Variants in MARCHF4 observed in about 807,000 individuals in gnomAD.
MARCHF4 encodes membrane associated ring-CH-type finger 4.
Under a neutral mutation model 43.9 loss-of-function variants are expected in MARCHF4, and 14 were observed. That is an observed-to-expected ratio of 0.32 (90% CI 0.21 to 0.50). The LOEUF is 0.50. Among genes scored for constraint, MARCHF4 ranks in the 20% least tolerant of loss-of-function variants. The probability of loss-of-function intolerance (pLI) is 0.98; values close to 1 mark genes in which losing one functional copy is unlikely to be tolerated. For missense variants in MARCHF4, 468 were observed against 536.7 expected (o/e 0.87, Z 1.27); for synonymous variants, 226 against 213.3 (o/e 1.06, Z -0.52).
intron 1 of MARCHF4, among the ~76,000 whole-genome samples, chr2:216,323,362 T>C (rs1392901804): frequency 6.6e-6 from 1 of 152,108 alleles, no homozygotes; most frequent in Non-Finnish European, 1.5e-5. Flanking sequence ...AAAATGGAGA[T>C]AATAATAGTA....
intron 3 of MARCHF4, among the ~76,000 whole-genome samples, chr2:216,263,718 G>C (rs932292527): frequency 3.9e-5 from 6 of 152,158 alleles, no homozygotes; most frequent in African/African-American, 1.4e-4. Context: ...TGTGTGTGGG[G>C]GAAAGAACAG....
chr2:216,279,888 T>C (rs1330315846), intron 2 of MARCHF4, among the ~76,000 whole-genome samples: 2 of 152,244 alleles, frequency 1.3e-5, no homozygotes, highest in African/African-American at 2.4e-5. Flanking sequence ...CCCTCCTGCC[T>C]GGAAAGAGGG....
intron 1 of MARCHF4, among the ~76,000 whole-genome samples, chr2:216,299,930 G>C (rs981983549): frequency 6.6e-6 from 1 of 152,198 alleles, no homozygotes; most frequent in Non-Finnish European, 1.5e-5. Flanking sequence ...TAGCAGGAGA[G>C]GGCAAGCACT....
intron 1 of MARCHF4, among the ~76,000 whole-genome samples, chr2:216,328,414 C>T (rs917792990): frequency 2.0e-5 from 3 of 152,196 alleles, no homozygotes; most frequent in Non-Finnish European, 4.4e-5. Context: ...ATTCGCCCAA[C>T]AATCCTGAGG....
At chr2:216,340,021 G>T (rs1450319876) in intron 1 of MARCHF4, among the ~76,000 whole-genome samples, 2 of 152,046 alleles carry the variant, frequency 1.3e-5, no homozygotes. Context: ...CAAGTCCCTG[G>T]GTTGGAGAAG....
Position 216,275,947 on chromosome 2 carries a change from G to C in MARCHF4, c.865+1725C>G, listed in dbSNP as rs188951069. Among the ~76,000 whole-genome samples the C allele has an allele frequency of 1.7e-3, 264 of 152,284 alleles. 6 individuals are homozygous for C. The highest frequency in any genetic ancestry group is 0.017 in the Admixed American group (263 of 15,294). On this transcript the variant is annotated intron_variant, in intron 3 of 3. Coordinates refer to ENST00000273067, the MANE Select transcript of MARCHF4 (RefSeq NM_020814.3). ...CCGTTAGCCTGGGTCCCAGCATGAG[G>C]AGACACTCAGAGCAGGCCTGAACCC...
intron 1 of MARCHF4, among the ~76,000 whole-genome samples, chr2:216,354,943 C>CTT (rs1158663239): frequency 7.2e-6 from 1 of 139,314 alleles, no homozygotes; most frequent in Non-Finnish European, 1.5e-5. Context: ...TTCTTTCTTT[C>CTT]TTTCTTTCTT....
chr2:216,356,215 T>C (rs1464469954), intron 1 of MARCHF4, among the ~76,000 whole-genome samples: 1 of 152,226 alleles, frequency 6.6e-6, no homozygotes, highest in Admixed American at 6.5e-5. Flanking sequence ...TGATGATCCT[T>C]AACTCTGTTT....
chr2:216,333,584 C>T (rs1183994151), intron 1 of MARCHF4, among the ~76,000 whole-genome samples: 2 of 152,212 alleles, frequency 1.3e-5, no homozygotes, highest in South Asian at 2.1e-4. Flanking sequence ...ACGAAAATCA[C>T]ACATGCATGC....
chr2:216,337,761 T>C (rs1353216186), intron 1 of MARCHF4, among the ~76,000 whole-genome samples: 1 of 152,284 alleles, frequency 6.6e-6, no homozygotes, highest in Admixed American at 6.5e-5. Flanking sequence ...CTACTACTTC[T>C]AGAAATTCAT....
Position 216,277,721 on chromosome 2 carries a change from G to A in MARCHF4, c.816C>T (p.Leu272=). The change falls in exon 3 of 4, where the codon CTC becomes CTT. Residue 272 remains leucine, a synonymous_variant. Coordinates refer to ENST00000273067, the MANE Select transcript of MARCHF4 (RefSeq NM_020814.3). ...PSARWQRQDL[L]FQICYGMYGF... is the part of the protein sequence containing the mutation. Reference sequence around the variant, plus strand: ...CATACATCCCGTAGCAGATCTGGAAGAGAAGGTCTTGGCGCTGCCATCTTG... The same window carrying A: ...CATACATCCCGTAGCAGATCTGGAAAAGAAGGTCTTGGCGCTGCCATCTTG... The A allele has an allele frequency of 1.9e-6, 3 of 1,614,116 alleles. No homozygotes were observed. The highest frequency in any genetic ancestry group is 2.5e-6 in the Non-Finnish European group (3 of 1,179,942).
chr2:216,354,983 C>CTTTCT (rs1559106750), intron 1 of MARCHF4, among the ~76,000 whole-genome samples: 3 of 96,856 alleles, frequency 3.1e-5, no homozygotes, highest in African/African-American at 8.6e-5. Context: ...TTCTTTCTTT[C>CTTTCT]TTTTTTGAGA....
intron 3 of MARCHF4, among the ~76,000 whole-genome samples, chr2:216,277,359 C>A (rs1264078127): frequency 6.6e-6 from 1 of 152,204 alleles, no homozygotes; most frequent in South Asian, 2.1e-4. Context: ...GGAGAGGAGG[C>A]CATGCACATC....
chr2:216,336,214 G>A lies in MARCHF4; in HGVS notation c.516+33531C>T, dbSNP rs78805130. 2.8e-3 allele frequency among the ~76,000 whole-genome samples: 428 copies of A among 152,140 alleles called. 2 individuals are homozygous for A. Among genetic ancestry groups the A allele is most frequent in the African/African-American group, 1.0e-2 (415 of 41,518 alleles). Reference sequence around the variant, plus strand: ...AACACTCATAAAAATTTTAAGTGTGGCAACAGAAAATGACATTAAAAAAGA... The same window carrying A: ...AACACTCATAAAAATTTTAAGTGTGACAACAGAAAATGACATTAAAAAAGA... On this transcript the variant is annotated intron_variant, in intron 1 of 3. Coordinates refer to ENST00000273067, the MANE Select transcript of MARCHF4 (RefSeq NM_020814.3).
chr2:216,294,801 C>T (rs1270418491), intron 1 of MARCHF4, among the ~76,000 whole-genome samples: 1 of 152,212 alleles, frequency 6.6e-6, no homozygotes, highest in Non-Finnish European at 1.5e-5. Flanking sequence ...CATTAAGACT[C>T]TTATGTATAC....
At position 216,283,083 on chromosome 2, in the gene MARCHF4, T is replaced by C. The variant is rs552283283; in HGVS notation, c.672+491A>G. The stretch of plus-strand genomic sequence containing the variant: ...GTATGAGAAGGGCCATTGAGTCTAT[T>C]CTTCTTATTTCTTCTTTACCAGCCC... On this transcript the variant is annotated intron_variant, in intron 2 of 3. Coordinates refer to ENST00000273067, the MANE Select transcript of MARCHF4 (RefSeq NM_020814.3). Among the ~76,000 whole-genome samples the C allele has an allele frequency of 3.9e-5, 6 of 152,278 alleles. No homozygotes were observed. In the East Asian group the frequency reaches 7.7e-4, roughly 20 times the overall value.
intron 1 of MARCHF4, among the ~76,000 whole-genome samples, chr2:216,367,121 T>C (rs1379471565): frequency 6.6e-6 from 1 of 152,112 alleles, no homozygotes; most frequent in East Asian, 1.9e-4. Flanking sequence ...ATTGGGGTGA[T>C]GGGGAGCAGG....
intron 2 of MARCHF4, among the ~76,000 whole-genome samples, chr2:216,282,543 C>T (rs934792094): frequency 6.6e-6 from 1 of 152,162 alleles, no homozygotes; most frequent in Non-Finnish European, 1.5e-5. Flanking sequence ...CACTCTCGTG[C>T]TCACTAATTG....
chr2:216,324,678 T>C (rs1691958833), intron 1 of MARCHF4, among the ~76,000 whole-genome samples: 1 of 149,412 alleles, frequency 6.7e-6, no homozygotes, highest in African/African-American at 2.5e-5. Flanking sequence ...AATCAATAAA[T>C]GTAATCCAGC....
Sources: gnomAD v4.1 joint callset for allele counts (sites outside exome capture counted in the v4.1 genomes callset) on GRCh38, gnomAD v4.1.1 for gene constraint, MANE v1.5 for transcripts, NCBI Gene and HGNC (gene_info 2026-07-23, HGNC 2026-07-21) for gene names.